ZNF365: variants seen among roughly 807,000 people sequenced by gnomAD.
ZNF365 encodes zinc finger protein 365, also known as protein ZNF365.
In ZNF365, 22 loss-of-function variants were observed where a neutral mutation model predicts 35.0. The observed-to-expected ratio is 0.63, with a 90% CI of 0.45 to 0.90. The LOEUF is 0.90. Ranked by LOEUF, ZNF365 falls within the 40% of genes least tolerant of loss-of-function variation. ZNF365 has a pLI of 0.00. For synonymous variants in ZNF365, 188 were observed against 196.2 expected, an observed-to-expected ratio of 0.96 and a Z score of 0.35; for missense variants, 448 against 500.3, an observed-to-expected ratio of 0.90 and a Z score of 1.00.
chr10:62,454,633 T>TG (rs2132475949), intron 3 of ZNF365, among the ~76,000 whole-genome samples: 1 of 152,170 alleles, frequency 6.6e-6, no homozygotes, highest in African/African-American at 2.4e-5. Context: ...TGCTTCATGT[T>TG]TTTTTTTCTT....
chr10:62,435,916 G>A (rs889119205), intron 3 of ZNF365, among the ~76,000 whole-genome samples: 4 of 152,106 alleles, frequency 2.6e-5, no homozygotes, highest in African/African-American at 9.7e-5. Flanking sequence ...TTCAGCATTG[G>A]TGCAAAAGAA....
chr10:62,387,177 C>T (rs1225388813), intron 2 of ZNF365, among the ~76,000 whole-genome samples: 1 of 152,134 alleles, frequency 6.6e-6, no homozygotes, highest in Non-Finnish European at 1.5e-5. Context: ...GTAGAGAGAA[C>T]TCTGGCAATA....
At chr10:62,379,226 G>C (rs922077053) in intron 2 of ZNF365, among the ~76,000 whole-genome samples, 1 of 152,054 alleles carries the variant, frequency 6.6e-6, no homozygotes, top group Non-Finnish European at 1.5e-5. Context: ...GTTTCGCCAT[G>C]TTGGCCAGGC....
At chr10:62,474,663 G>A (rs1841098732) in intron 4 of ZNF365, among the ~76,000 whole-genome samples, 1 of 152,096 alleles carries the variant, frequency 6.6e-6, no homozygotes, top group Non-Finnish European at 1.5e-5. Flanking sequence ...CAATCTCATT[G>A]TCCACCTCAG....
intron 3 of ZNF365, among the ~76,000 whole-genome samples, chr10:62,413,134 G>A (rs1231284131): frequency 6.6e-6 from 1 of 152,004 alleles, no homozygotes; most frequent in Non-Finnish European, 1.5e-5. Context: ...AAATACAAAG[G>A]CATCTGATGT....
chr10:62,415,081 C>T (rs1039332498), intron 3 of ZNF365, among the ~76,000 whole-genome samples: 1 of 89,260 alleles, frequency 1.1e-5, no homozygotes, highest in Admixed American at 1.1e-4. Context: ...AAAGTATTTT[C>T]CTTATTTTTT....
chr10:62,421,523 C>G (rs1840168447), intron 3 of ZNF365, among the ~76,000 whole-genome samples: 1 of 152,106 alleles, frequency 6.6e-6, no homozygotes, highest in South Asian at 2.1e-4. Flanking sequence ...TCACGTAAAG[C>G]CAGGAACTCT....
rs139636071 is a variant in ZNF365, at chr10:62,439,230, A to G, written c.925-20511A>G. Among the ~76,000 whole-genome samples, 961 of 152,060 alleles carry G rather than the reference A, an allele frequency of 6.3e-3. 5 individuals carry two copies. The highest frequency in any genetic ancestry group is 0.01 in the Non-Finnish European group (700 of 67,952). On this transcript the variant is annotated intron_variant, in intron 3 of 4. Transcript: ENST00000395255. ...TCATCTTTCAACTAATAATGGGTCTATTCTTTCTCTTCTCGGTCTCTGTCT... is the reference window on the plus strand; with the variant it reads ...TCATCTTTCAACTAATAATGGGTCTGTTCTTTCTCTTCTCGGTCTCTGTCT...
downstream of ZNF365, among the ~76,000 whole-genome samples, chr10:62,404,096 A>G (rs530874766): frequency 6.6e-6 from 1 of 151,018 alleles, no homozygotes; most frequent in Admixed American, 6.6e-5. Flanking sequence ...TGTTAAATTT[A>G]CTCTGGATCT....
At chr10:62,406,855 C>T (rs895447113), downstream of ZNF365, among the ~76,000 whole-genome samples, 2 of 152,134 alleles carry the variant, frequency 1.3e-5, no homozygotes, top group African/African-American at 2.4e-5. Context: ...TGTTGTATCC[C>T]ATTGTGAGAG....
chr10:62,412,836 T>G (rs1840007787), intron 3 of ZNF365, among the ~76,000 whole-genome samples: 1 of 152,072 alleles, frequency 6.6e-6, no homozygotes, highest in Admixed American at 6.6e-5. Flanking sequence ...ATGAAAATGG[T>G]CATACTACCA....
At chr10:62,395,827 G>GTCC (rs1188946889) in intron 3 of ZNF365, among the ~76,000 whole-genome samples, 1 of 152,106 alleles carries the variant, frequency 6.6e-6, no homozygotes, top group Non-Finnish European at 1.5e-5. Flanking sequence ...AGGACTTCTG[G>GTCC]TCCCAAGCAT....
Position 62,376,881 on chromosome 10 carries a change from G to A in ZNF365, c.688G>A (p.Ala230Thr), listed in dbSNP as rs1219569092. The change falls in exon 2 of 5, where the codon GCT becomes ACT. Residue 230 changes from alanine (A) to threonine (T), a missense_variant. Transcript: ENST00000395254. ...GGTGGACGTGGCCGTGGAAATGATA[G>A]CTGTACTGAGGCAACGCCTGACGGA... ...RQVDVAVEMI[A>T]VLRQRLTESE... is the part of the protein sequence containing the mutation. The A allele has an allele frequency of 6.2e-7, 1 of 1,614,050 alleles. No homozygotes were observed. Among genetic ancestry groups the A allele is most frequent in the Non-Finnish European group, 8.5e-7 (1 of 1,180,050 alleles).
chr10:62,428,208 T>A (rs1170597132), intron 3 of ZNF365, among the ~76,000 whole-genome samples: 1 of 152,194 alleles, frequency 6.6e-6, no homozygotes. Flanking sequence ...AGATGTGTAC[T>A]CAAAACACAT....
At chr10:62,390,511 A>G (rs1839609135) in intron 3 of ZNF365, among the ~76,000 whole-genome samples, 1 of 152,190 alleles carries the variant, frequency 6.6e-6, no homozygotes, top group African/African-American at 2.4e-5. Context: ...AACATTTTTT[A>G]AAGAGACATA....
At chr10:62,458,497 C>CAT (rs1554828849) in intron 3 of ZNF365, among the ~76,000 whole-genome samples, 13 of 141,264 alleles carry the variant, frequency 9.2e-5, no homozygotes, top group African/African-American at 1.7e-4. Flanking sequence ...CACACACACA[C>CAT]ATATATATAT....
intron 3 of ZNF365, among the ~76,000 whole-genome samples, chr10:62,390,503 C>T (rs1296968306): frequency 6.6e-6 from 1 of 152,160 alleles, no homozygotes; most frequent in Non-Finnish European, 1.5e-5. Context: ...GAAAGTTGAA[C>T]ATTTTTTAAA....
Position 62,398,753 on chromosome 10 carries a change from C to A in ZNF365, c.938C>A (p.Ser313Tyr). 6.2e-7 allele frequency: 1 copy of A among 1,612,704 alleles called. No homozygotes were observed. The highest frequency in any genetic ancestry group is 8.5e-7 in the Non-Finnish European group (1 of 1,179,504). Reference protein sequence around the residue: ...DLSGHVLTDISSNRKPKCLSR... With the variant: ...DLSGHVLTDIYSNRKPKCLSR... The stretch of plus-strand genomic sequence containing the variant: ...GTTTTCCTTCAGCTTACAGACATCT[C>A]CTCAAATAGGAAGCCCAAATGCCTG... The change falls in exon 4 of 5, where the codon TCC becomes TAC. Residue 313 changes from serine to tyrosine, a missense_variant. By Grantham distance (144) the Ser-to-Tyr change is moderately radical. Around this residue, in one of 3 missense-constraint regions of ZNF365, gnomAD observed 362 missense variants for 375.7 expected, o/e 0.96. Coordinates refer to ENST00000395254, the MANE Select transcript of ZNF365 (RefSeq NM_014951.3).
At chr10:62,398,215 C>T (rs1025860817) in intron 3 of ZNF365, among the ~76,000 whole-genome samples, 3 of 152,088 alleles carry the variant, frequency 2.0e-5, no homozygotes, top group East Asian at 1.9e-4. Context: ...CATCAACCAA[C>T]GAGTGGATAA....
Sources: allele counts gnomAD v4.1 joint callset (sites outside exome capture counted in the v4.1 genomes callset), GRCh38; gene constraint gnomAD v4.1.1; regional missense constraint gnomAD v4.1.1; transcripts MANE v1.5; gene names NCBI Gene and HGNC (gene_info 2026-07-23, HGNC 2026-07-21).